The following FSTL5 variants were observed in gnomAD, a reference collection of about 807,000 sequenced individuals.
FSTL5 encodes the protein follistatin-related protein 5.
FSTL5 carries 62 observed loss-of-function variants against 89.1 expected under a neutral mutation model. The ratio of observed to expected loss-of-function variants is 0.70; its 90% CI spans 0.57 to 0.86. The LOEUF (loss-of-function observed/expected upper bound fraction) is 0.86, where lower values mean the gene tolerates loss of function less well. FSTL5 is among the 40% of genes least tolerant of loss of function. The probability of loss-of-function intolerance (pLI) is 0.00; values close to 1 mark genes in which losing one functional copy is unlikely to be tolerated. For synonymous variants in FSTL5, 383 were observed against 346.2 expected (o/e 1.11, Z -1.18); for missense variants, 1,057 against 1,001.6 (o/e 1.06, Z -0.75).
At chr4:161,681,912 T>C (rs1379270851) in intron 6 of FSTL5, among the ~76,000 whole-genome samples, 2 of 152,164 alleles carry the variant, frequency 1.3e-5, no homozygotes, top group Non-Finnish European at 2.9e-5. Flanking sequence ...GGTAATTTCA[T>C]CTTTGTGTGA....
chr4:162,039,005 A>G (rs1304232124), intron 2 of FSTL5, among the ~76,000 whole-genome samples: 1 of 151,818 alleles, frequency 6.6e-6, no homozygotes, highest in Non-Finnish European at 1.5e-5. Flanking sequence ...TTTATAATAT[A>G]TATACATATG....
intron 4 of FSTL5, among the ~76,000 whole-genome samples, chr4:161,885,895 T>C (rs1337108675): frequency 6.6e-6 from 1 of 152,120 alleles, no homozygotes; most frequent in Non-Finnish European, 1.5e-5. Context: ...CTGGCAAAAC[T>C]GTGTTAGAGG....
At chr4:162,042,983 T>G in intron 2 of FSTL5, among the ~76,000 whole-genome samples, 1 of 147,882 alleles carries the variant, frequency 6.8e-6, no homozygotes, top group African/African-American at 2.5e-5. Flanking sequence ...CATTGGGAGA[T>G]ATACCTAATG....
chr4:161,772,763 A>G (rs527457247), intron 5 of FSTL5, among the ~76,000 whole-genome samples: 2 of 152,264 alleles, frequency 1.3e-5, no homozygotes, highest in South Asian at 2.1e-4. Context: ...GAAAATGACC[A>G]TACTTCCAAA....
intron 6 of FSTL5, among the ~76,000 whole-genome samples, chr4:161,744,090 T>C (rs186081059): frequency 6.6e-6 from 1 of 152,158 alleles, no homozygotes; most frequent in South Asian, 2.1e-4. Context: ...AAGGTGTTTT[T>C]TTTTAAATCA....
At chr4:162,080,315 C>G (rs1175765802) in intron 2 of FSTL5, among the ~76,000 whole-genome samples, 6 of 151,482 alleles carry the variant, frequency 4.0e-5, no homozygotes, top group African/African-American at 1.5e-4. Flanking sequence ...AATGTGTCTC[C>G]TAACACTGAT....
intron 2 of FSTL5, among the ~76,000 whole-genome samples, chr4:162,052,797 T>C (rs1355026139): frequency 6.6e-6 from 1 of 151,874 alleles, no homozygotes; most frequent in Non-Finnish European, 1.5e-5. Flanking sequence ...ACACTTAAAA[T>C]CTACTCTCTT....
At chr4:161,977,262 C>T (rs1295770514) in intron 3 of FSTL5, among the ~76,000 whole-genome samples, 3 of 152,022 alleles carry the variant, frequency 2.0e-5, no homozygotes, top group Non-Finnish European at 4.4e-5. Flanking sequence ...ACCCTACATT[C>T]AAAATTCATT....
At chr4:162,022,549 T>G (rs1486686370) in intron 3 of FSTL5, among the ~76,000 whole-genome samples, 2 of 152,110 alleles carry the variant, frequency 1.3e-5, no homozygotes, top group Non-Finnish European at 2.9e-5. Context: ...AATGGTACCT[T>G]CTAGGGTAAA....
intron 15 of FSTL5, among the ~76,000 whole-genome samples, chr4:161,445,859 T>C (rs552342219): frequency 5.3e-5 from 8 of 152,078 alleles, no homozygotes; most frequent in African/African-American, 1.9e-4. Flanking sequence ...GCATTATTTC[T>C]TGTTCAAAAC....
At chr4:161,488,896 A>G (rs866218985) in intron 12 of FSTL5, among the ~76,000 whole-genome samples, 1 of 152,166 alleles carries the variant, frequency 6.6e-6, no homozygotes, top group Non-Finnish European at 1.5e-5. Flanking sequence ...CATATAGGGC[A>G]AGGAGAATTT....
At chr4:161,709,717 G>A (rs1418112257) in intron 6 of FSTL5, among the ~76,000 whole-genome samples, 1 of 152,050 alleles carries the variant, frequency 6.6e-6, no homozygotes, top group Non-Finnish European at 1.5e-5. Flanking sequence ...GATCACTTGA[G>A]CCCAGGAGGT....
chr4:161,428,951 C>T lies in FSTL5; in HGVS notation c.1841+26053G>A, dbSNP rs75761272. Among the ~76,000 whole-genome samples the T allele has an allele frequency of 3.1e-3, 479 of 152,132 alleles. 13 individuals carry two copies. In the East Asian group the frequency reaches 0.053, roughly 17 times the overall value. ...GAGGTTTGGATTCTAGATTTTGGCC[C>T]TTGGATGACATTTAGGACCTACCCT... On this transcript the variant is annotated intron_variant, in intron 15 of 15. Transcript: ENST00000306100.
intron 15 of FSTL5, among the ~76,000 whole-genome samples, chr4:161,424,644 G>A (rs1732110716): frequency 6.6e-6 from 1 of 151,736 alleles, no homozygotes; most frequent in Non-Finnish European, 1.5e-5. Context: ...AATTCATTAT[G>A]TTGATAAGAT....
At chr4:161,477,864 T>C (rs1377157573) in intron 13 of FSTL5, among the ~76,000 whole-genome samples, 1 of 152,034 alleles carries the variant, frequency 6.6e-6, no homozygotes, top group Non-Finnish European at 1.5e-5. Flanking sequence ...GTCTCAATAG[T>C]GTATACATTT....
rs139285728 is a variant in FSTL5 at position 161,517,164 on chromosome 4, C to A, written c.1313-6740G>T. Among the ~76,000 whole-genome samples, 18 of 152,224 alleles carry A rather than the reference C, an allele frequency of 1.2e-4. No individual in the cohort carries two copies. The East Asian group carries it at 3.5e-3, about 29-fold the overall frequency. On this transcript the variant is annotated intron_variant, in intron 10 of 15. Coordinates refer to ENST00000306100, the MANE Select transcript of FSTL5 (RefSeq NM_020116.5). ...TCGGCTTCCCAAAATGTTGGTATTGCAGGCATGAGCCACCATGCCTGGCCA... is the reference window on the plus strand; with the variant it reads ...TCGGCTTCCCAAAATGTTGGTATTGAAGGCATGAGCCACCATGCCTGGCCA...
At chr4:161,590,235 A>G (rs1194357983) in intron 7 of FSTL5, among the ~76,000 whole-genome samples, 1 of 152,054 alleles carries the variant, frequency 6.6e-6, no homozygotes, top group Non-Finnish European at 1.5e-5. Flanking sequence ...AGTAATTACA[A>G]TTCAACAATC....
At chr4:161,773,934 C>G (rs1329197725) in intron 5 of FSTL5, among the ~76,000 whole-genome samples, 1 of 152,120 alleles carries the variant, frequency 6.6e-6, no homozygotes, top group African/African-American at 2.4e-5. Context: ...ACTATGGAAT[C>G]AGCCCACATC....
chr4:161,959,658 A>G (rs1735117418), intron 3 of FSTL5, among the ~76,000 whole-genome samples: 1 of 152,138 alleles, frequency 6.6e-6, no homozygotes. Flanking sequence ...GAAGTATTAT[A>G]TATTTAGACT....
Sources: allele counts gnomAD v4.1 joint callset (sites outside exome capture counted in the v4.1 genomes callset), GRCh38; gene constraint gnomAD v4.1.1; transcripts MANE v1.5; gene names NCBI Gene and HGNC (gene_info 2026-07-23, HGNC 2026-07-21).